The following AGO1 variants were observed in gnomAD, a reference collection of about 807,000 sequenced individuals.
AGO1 encodes argonaute RISC component 1.
Under a neutral mutation model 109.2 loss-of-function variants are expected in AGO1, and 11 were observed. The observed-to-expected ratio is 0.10, with a 90% CI of 0.06 to 0.17. The LOEUF (loss-of-function observed/expected upper bound fraction) is 0.17, where lower values mean the gene tolerates loss of function less well. AGO1 is among the 10% of genes least tolerant of loss of function. AGO1 has a pLI of 1.00. For missense variants in AGO1, 574 were observed against 1,140.3 expected (o/e 0.50, Z 7.15); for synonymous variants, 422 against 418.6 (o/e 1.01, Z -0.10).
intron 11 of AGO1, among the ~76,000 whole-genome samples, chr1:35,906,297 C>T (rs1365073347): frequency 1.3e-5 from 2 of 152,176 alleles, no homozygotes; most frequent in African/African-American, 4.8e-5. Flanking sequence ...AGGCCTTACA[C>T]GTGGGCATCT....
chr1:35,888,585 G>A lies in AGO1; in HGVS notation c.184G>A (p.Asp62Asn), dbSNP rs764307761. 1 of 1,614,194 alleles carries A rather than the reference G, an allele frequency of 6.2e-7. No individual in the cohort carries two copies. Among genetic ancestry groups the A allele is most frequent in the South Asian group, 1.1e-5 (1 of 91,090 alleles). The change falls in exon 2 of 19, where the codon GAT becomes AAT. Residue 62 changes from aspartate (D) to asparagine (N), a missense_variant. Transcript: ENST00000373204. This position sits in a 1 kb window ranked among gnomAD's most constrained non-coding sequence, Gnocchi z 4.1. ...CCACTACGAGGTGGACATCAAGCCG[G>A]ATAAGTGTCCCCGTAGAGTCAACCG... ...VYHYEVDIKPDKCPRRVNREV... is the reference protein window; with the variant it reads ...VYHYEVDIKPNKCPRRVNREV...
In AGO1 at chr1:35,893,111, G is replaced by A; in HGVS notation, c.345G>A (p.Val115=). The A allele has an allele frequency of 3.7e-6, 6 of 1,613,998 alleles. No homozygotes were observed. The highest frequency in any genetic ancestry group is 4.2e-6 in the Non-Finnish European group (5 of 1,179,970). ...CCCTCCTGAAGGTCGACTTTGAGGTGACAATCCCTGGGGAAGGGAAGGATC... is the reference window on the plus strand; with the variant it reads ...CCCTCCTGAAGGTCGACTTTGAGGTAACAATCCCTGGGGAAGGGAAGGATC... ...PIGNERVDFE[V]TIPGEGKDRI... Residue 115 remains valine (V), a synonymous_variant, in exon 4 of 19, where the codon GTG becomes GTA. Transcript: ENST00000373204. The surrounding 1 kb of genome is among the most constrained non-coding windows in gnomAD (Gnocchi z 5.6).
rs1311510365 is a variant in AGO1, at chr1:35,917,708, G to C, written c.2144G>C (p.Cys715Ser). Reference sequence around the variant, plus strand: ...AAACGCCATCACACCCGCCTTTTCTGTGCTGACAAGAATGAGCGAGTGAGT... The same window carrying C: ...AAACGCCATCACACCCGCCTTTTCTCTGCTGACAAGAATGAGCGAGTGAGT... The part of the protein sequence containing the change: ...VQKRHHTRLF[C>S]ADKNERIGKS... The change falls in exon 16 of 19, where the codon TGT becomes TCT. Residue 715 changes from cysteine (C) to serine (S), a missense_variant. Physicochemically the swap from Cys to Ser is moderately radical, Grantham distance 112. Transcript: ENST00000373204. The C allele has an allele frequency of 6.2e-7, 1 of 1,613,320 alleles. No individual in the cohort carries two copies.
chr1:35,882,684 A>T (rs1345072163), upstream of AGO1, among the ~76,000 whole-genome samples: 1 of 152,150 alleles, frequency 6.6e-6, no homozygotes, highest in Non-Finnish European at 1.5e-5. This position sits in a 1 kb window ranked among gnomAD's most constrained non-coding sequence, Gnocchi z 5.1. Flanking sequence ...CCGCGTCTCT[A>T]CTTATCTGTG....
chr1:35,892,939 G>A (rs1275256107), intron 3 of AGO1, among the ~76,000 whole-genome samples, 158 bp from the exon 4 acceptor site: 1 of 152,192 alleles, frequency 6.6e-6, no homozygotes, highest in African/African-American at 2.4e-5. Context: ...GAAGCACTGA[G>A]CCAAGGTGGC....
At chr1:35,898,242 T>C (rs1023703745) in intron 8 of AGO1, among the ~76,000 whole-genome samples, 17 of 152,134 alleles carry the variant, frequency 1.1e-4, no homozygotes, top group African/African-American at 4.1e-4. Context: ...TGATATAATA[T>C]ATAACAATGT....
At chr1:35,881,699 A>C (rs968034567), upstream of AGO1, among the ~76,000 whole-genome samples, 1 of 152,228 alleles carries the variant, frequency 6.6e-6, no homozygotes, top group Non-Finnish European at 1.5e-5. Context: ...AAGGCATGGT[A>C]TAAGTGTCAG....
chr1:35,913,990 C>G lies in AGO1; in HGVS notation c.1731C>G (p.Val577=), dbSNP rs1223700131. The G allele has an allele frequency of 6.2e-7, 1 of 1,614,060 alleles. No individual in the cohort carries two copies. The highest frequency in any genetic ancestry group is 1.3e-5 in the African/African-American group (1 of 75,018). Residue 577 remains valine (V), a synonymous_variant, in exon 13 of 19, where the codon GTC becomes GTG. Transcript: ENST00000373204. ...TTGGTGGCATTAACAACATCCTAGT[C>G]CCACACCAGCGGTATGAACTCTGTT... ...VKLGGINNIL[V]PHQRSAVFQQ...
chr1:35,902,174 C>A, intron 10 of AGO1, 30 bp from the exon 11 acceptor site: 1 of 1,606,338 alleles, frequency 6.2e-7, no homozygotes, highest in Non-Finnish European at 8.5e-7. Context: ...TACTGAGGCT[C>A]ACCTAGGCGC....
chr1:35,918,586 C>T (rs555236112), intron 17 of AGO1, among the ~76,000 whole-genome samples, 163 bp downstream of exon 17: 1 of 152,190 alleles, frequency 6.6e-6, no homozygotes, highest in East Asian at 1.9e-4. Flanking sequence ...CTCACTCTGT[C>T]CCCCAGGCTG....
At position 35,928,653 on chromosome 1, in the gene AGO1, A is replaced by C. The variant is rs1645977428; in HGVS notation, c.*9046A>C. On this transcript the variant is annotated 3_prime_UTR_variant, in exon 19 of 19. Coordinates refer to ENST00000373204, the MANE Select transcript of AGO1 (RefSeq NM_012199.5). ...TAAGAGTTCTTTATTCATTTTAAAC[A>C]CAAGTCCTTTGTTGGATATATCTTT... The C allele has an allele frequency of 6.6e-6, 1 of 152,264 alleles. No homozygotes were observed. The highest frequency in any genetic ancestry group is 1.5e-5 in the Non-Finnish European group (1 of 68,038). 9.4% of individuals were successfully genotyped at this position (152,264 alleles called of 1,614,324 possible). A position where few individuals can be genotyped will look rare whatever the true frequency, so the allele number is the denominator to read the frequency against.
chr1:35,878,333 G>C (rs2148704272), upstream of AGO1, among the ~76,000 whole-genome samples: 1 of 149,804 alleles, frequency 6.7e-6, no homozygotes, highest in East Asian at 2.0e-4. Context: ...GATCCTCCCG[G>C]CTCGGCCTCC....
chr1:35,893,216 C>A lies in AGO1; in HGVS notation c.450C>A (p.Ile150=). ...MLHEALVSGQ[I]PVPLESVQAL... The stretch of plus-strand genomic sequence containing the variant: ...ATGAGGCCCTGGTCAGCGGCCAGAT[C>A]CCTGTTCCCTTGGAGTCTGTGCAAG... The change falls in exon 4 of 19, where the codon ATC becomes ATA. Residue 150 remains isoleucine, a synonymous_variant. Transcript: ENST00000373204. This position sits in a 1 kb window ranked among gnomAD's most constrained non-coding sequence, Gnocchi z 5.6. 2.5e-6 allele frequency: 4 copies of A among 1,614,108 alleles called. No homozygotes were observed. The highest frequency in any genetic ancestry group is 3.4e-6 in the Non-Finnish European group (4 of 1,180,016).
Position 35,893,305 on chromosome 1 carries a change from TA to T in AGO1, c.512+28del, listed in dbSNP as rs1645255392. 6.2e-7 allele frequency: 1 copy of T among 1,601,014 alleles called. No homozygotes were observed. The highest frequency in any genetic ancestry group is 1.3e-5 in the African/African-American group (1 of 74,694). ...TATTGGGTGTAGTTAGTATCTGGGC[TA>T]CTAGTGTTGGCAGAACTGCTGTCAG... On this transcript the variant is annotated intron_variant, in intron 4 of 18. Transcript: ENST00000373204. The surrounding 1 kb of genome is among the most constrained non-coding windows in gnomAD (Gnocchi z 5.6).
At chr1:35,918,549 C>A in intron 17 of AGO1, 126 bp downstream of exon 17, 1 of 902,304 alleles carries the variant, frequency 1.1e-6, no homozygotes, top group Non-Finnish European at 1.8e-6. Flanking sequence ...TCTGTTTGTT[C>A]TGTTTTGTTT....
upstream of AGO1, among the ~76,000 whole-genome samples, chr1:35,878,865 T>C (rs1645012481): frequency 6.6e-6 from 1 of 152,154 alleles, no homozygotes; most frequent in Non-Finnish European, 1.5e-5. Context: ...CTGTTAATTA[T>C]ACTACATTGA....
chr1:35,888,528 T>G lies in AGO1; in HGVS notation c.127T>G (p.Phe43Val). Residue 43 changes from phenylalanine to valine, a missense_variant, in exon 2 of 19, where the codon TTT becomes GTT. Around this residue, in one of 8 missense-constraint regions of AGO1, gnomAD observed 89 missense variants for 109.6 expected, o/e 0.81. Transcript: ENST00000373204. This position sits in a 1 kb window ranked among gnomAD's most constrained non-coding sequence, Gnocchi z 4.1. ...GKPIKLLANYFEVDIPKIDVY... is the reference protein window; with the variant it reads ...GKPIKLLANYVEVDIPKIDVY... ...ACCAATCAAGCTCCTGGCCAATTAC[T>G]TTGAGGTGGACATCCCTAAGATCGA... 6.2e-7 allele frequency: 1 copy of G among 1,614,200 alleles called. No individual in the cohort carries two copies. The highest frequency in any genetic ancestry group is 8.5e-7 in the Non-Finnish European group (1 of 1,180,024).
chr1:35,901,413 G>T lies in AGO1; in HGVS notation c.1021-61G>T. ...CCAAGGTATCTTTCCTTATTGTGGG[G>T]CTCTGGGTACAGGGTGGACTGTACT... On this transcript the variant is annotated intron_variant, in intron 8 of 18. Coordinates refer to ENST00000373204, the MANE Select transcript of AGO1 (RefSeq NM_012199.5). The surrounding 1 kb of genome is among the most constrained non-coding windows in gnomAD (Gnocchi z 4.8). The T allele has an allele frequency of 1.2e-6, 2 of 1,602,404 alleles. No homozygotes were observed. The highest frequency in any genetic ancestry group is 2.2e-5 in the East Asian group (1 of 44,692).
intron 11 of AGO1, among the ~76,000 whole-genome samples, 184 bp from the exon 12 acceptor site, chr1:35,906,751 T>C (rs935725753): frequency 6.7e-6 from 1 of 149,476 alleles, no homozygotes; most frequent in Non-Finnish European, 1.5e-5. Flanking sequence ...GAGGCTTGAG[T>C]GAGCCCAGAT....
Sources: gnomAD v4.1 joint callset for allele counts (sites outside exome capture counted in the v4.1 genomes callset) on GRCh38, gnomAD v4.1.1 for gene constraint, gnomAD v4.1.1 regional missense constraint, Gnocchi (gnomAD v3.1) non-coding constraint, MANE v1.5 for transcripts, NCBI Gene and HGNC (gene_info 2026-07-23, HGNC 2026-07-21) for gene names.